Variants in AFG2B observed in about 807,000 individuals in gnomAD.
The protein encoded by AFG2B is AAA ATPase AFG2B.
At chr15:45,418,299 G>A in the AFG2B span, among the ~76,000 whole-genome samples, 6 of 148,314 alleles carry the variant, frequency 4.0e-5, no homozygotes, top group African/African-American at 1.0e-4. Flanking sequence ...AGCCAAGATC[G>A]TGCCAGTGTA....
At chr15:45,405,736 G>A in the AFG2B span, among the ~76,000 whole-genome samples, 1 of 152,138 alleles carries the variant, frequency 6.6e-6, no homozygotes, top group Non-Finnish European at 1.5e-5. Flanking sequence ...TACTCTTATA[G>A]TAACTCCCTA....
the AFG2B span, among the ~76,000 whole-genome samples, chr15:45,413,768 G>T: frequency 6.6e-6 from 1 of 152,114 alleles, no homozygotes; most frequent in East Asian, 1.9e-4. Flanking sequence ...GTTGCTCCTT[G>T]CTGGTGCTCT....
chr15:45,411,127 G>C, the AFG2B span, among the ~76,000 whole-genome samples: 6 of 152,172 alleles, frequency 3.9e-5, no homozygotes, highest in East Asian at 1.2e-3. Context: ...ACTTGAACCC[G>C]GGAGGCAGAG....
the AFG2B span, chr15:45,403,110 C>A: frequency 6.6e-7 from 1 of 1,514,230 alleles, no homozygotes; most frequent in East Asian, 2.6e-5. Context: ...GCGCCCTGAC[C>A]GCGCTGGGCT....
chr15:45,406,645 T>G, the AFG2B span, among the ~76,000 whole-genome samples: 9 of 152,332 alleles, frequency 5.9e-5, no homozygotes, highest in East Asian at 1.7e-3. Context: ...CTTAAACCCA[T>G]TCAGGAAAAA....
At chr15:45,404,268 C>G in the AFG2B span, among the ~76,000 whole-genome samples, 1 of 152,104 alleles carries the variant, frequency 6.6e-6, no homozygotes, top group Non-Finnish European at 1.5e-5. Context: ...TATCTAGTAC[C>G]TGTGTCCTTA....
At chr15:45,403,503 G>A in the AFG2B span, 466 of 1,603,640 alleles carry the variant, frequency 2.9e-4, 3 homozygotes, top group South Asian at 4.8e-3. Flanking sequence ...GTAGGCCCGG[G>A]AGATTTGACC....
the AFG2B span, among the ~76,000 whole-genome samples, chr15:45,407,599 A>G: frequency 1.3e-5 from 2 of 152,354 alleles, no homozygotes; most frequent in Non-Finnish European, 2.9e-5. Context: ...ATAGAAAATT[A>G]TAAAGAACTG....
chr15:45,406,151 GCTTT>G, the AFG2B span, among the ~76,000 whole-genome samples: 1 of 152,096 alleles, frequency 6.6e-6, no homozygotes, highest in Non-Finnish European at 1.5e-5. Flanking sequence ...CATACTTCAG[GCTTT>G]CTTCTATGAA....
At chr15:45,419,997 C>CCA in the AFG2B span, among the ~76,000 whole-genome samples, 10 of 53,694 alleles carry the variant, frequency 1.9e-4, no homozygotes, top group Non-Finnish European at 2.4e-4. Flanking sequence ...CCCCCCCCCC[C>CCA]AAAAAAAAAA....
chr15:45,412,780 A>C, the AFG2B span, among the ~76,000 whole-genome samples: 1 of 152,320 alleles, frequency 6.6e-6, no homozygotes, highest in Non-Finnish European at 1.5e-5. Context: ...ATTGAAATGA[A>C]CAATATGGCT....
At chr15:45,414,466 C>T in the AFG2B span, 1 of 1,046,818 alleles carries the variant, frequency 9.6e-7, no homozygotes, top group African/African-American at 1.6e-5. Context: ...GTTTCCAGCT[C>T]ATAATAGGAG....
chr15:45,417,159 C>A, the AFG2B span: 2 of 1,355,874 alleles, frequency 1.5e-6, no homozygotes, highest in Non-Finnish European at 2.0e-6. Context: ...ATTCTGGTCC[C>A]AAGAAAAGGA....
the AFG2B span, among the ~76,000 whole-genome samples, chr15:45,406,129 T>C: frequency 0.023 from 3,553 of 152,300 alleles, 69 homozygotes; most frequent in South Asian, 0.056. Context: ...TAAATAGGCC[T>C]TAATCTAGAA....
At chr15:45,403,076 T>C in the AFG2B span, 3 of 1,531,628 alleles carry the variant, frequency 2.0e-6, no homozygotes, top group East Asian at 2.5e-5. Flanking sequence ...CGGGAGCTCC[T>C]CCGCCTCCCG....
chr15:45,415,771 GTC>G, the AFG2B span: 23 of 1,613,350 alleles, frequency 1.4e-5, no homozygotes, highest in Non-Finnish European at 1.9e-5. Flanking sequence ...AGTAAATCAA[GTC>G]AACAGGGTAA....
At chr15:45,416,423 G>C in the AFG2B span, among the ~76,000 whole-genome samples, 1 of 152,224 alleles carries the variant, frequency 6.6e-6, no homozygotes, top group South Asian at 2.1e-4. Flanking sequence ...TTCTCCAGAT[G>C]AGTTTGGTAT....
At chr15:45,402,564 G>C in the AFG2B span, 6 of 1,582,856 alleles carry the variant, frequency 3.8e-6, no homozygotes, top group Middle Eastern at 8.3e-4. Flanking sequence ...GCTTGGGCTC[G>C]GCAGTGAAGA....
At chr15:45,409,056 TC>T in the AFG2B span, among the ~76,000 whole-genome samples, 1 of 152,154 alleles carries the variant, frequency 6.6e-6, no homozygotes, top group African/African-American at 2.4e-5. Flanking sequence ...TACTGGTTCT[TC>T]CTGTCATATT....
Sources: gnomAD v4.1 joint callset for allele counts (sites outside exome capture counted in the v4.1 genomes callset) on GRCh38, gnomAD v4.1.1 for gene constraint, MANE v1.5 for transcripts, NCBI Gene and HGNC (gene_info 2026-07-23, HGNC 2026-07-21) for gene names.